The following GPC6 variants were observed in gnomAD, a reference collection of about 807,000 sequenced individuals.
GPC6 encodes glypican 6, also known as glypican-6.
In GPC6, 14 loss-of-function variants were observed where a neutral mutation model predicts 55.2. That is an observed-to-expected ratio of 0.25 (90% CI 0.17 to 0.40). GPC6 has a LOEUF of 0.40. Among genes scored for constraint, GPC6 ranks in the 10% least tolerant of loss-of-function variants. The probability of loss-of-function intolerance (pLI) is 1.00; values close to 1 mark genes in which losing one functional copy is unlikely to be tolerated. For synonymous variants in GPC6, 278 were observed against 259.6 expected (o/e 1.07, Z -0.68); for missense variants, 641 against 708.5 (o/e 0.90, Z 1.08).
chr13:94,157,406 A>G (rs620287), intron 4 of GPC6, among the ~76,000 whole-genome samples: 151,039 of 152,262 alleles, frequency 0.99, 74,923 homozygotes, highest in East Asian at 1. Flanking sequence ...AATCATAGAA[A>G]CCTTCGTGAT....
intron 5 of GPC6, among the ~76,000 whole-genome samples, chr13:94,289,815 G>T (rs1248669273): frequency 6.6e-6 from 1 of 152,176 alleles, no homozygotes; most frequent in Non-Finnish European, 1.5e-5. Context: ...ATCCCTTAGT[G>T]CTCCATCCTC....
Position 93,576,594 on chromosome 13 carries a change from A to G in GPC6, c.319+31173A>G, listed in dbSNP as rs1263410193. Among the ~76,000 whole-genome samples the G allele has an allele frequency of 2.6e-5, 4 of 152,144 alleles. No individual in the cohort carries two copies. The East Asian group carries it at 7.7e-4, about 29-fold the overall frequency. ...CTTGGTTGATTGAAATTTGCCTTTT[A>G]TTATTGATAGTTCAGAAAAATTTCT... On this transcript the variant is annotated intron_variant, in intron 2 of 8. Transcript: ENST00000377047.
At chr13:93,521,868 G>A (rs974074207) in intron 1 of GPC6, among the ~76,000 whole-genome samples, 3 of 151,892 alleles carry the variant, frequency 2.0e-5, no homozygotes, top group African/African-American at 7.2e-5. Flanking sequence ...AATAAGTGCA[G>A]TTTATTTTAT....
chr13:94,216,514 T>A (rs949038550), intron 4 of GPC6, among the ~76,000 whole-genome samples: 8 of 152,236 alleles, frequency 5.3e-5, no homozygotes, highest in African/African-American at 1.4e-4. Flanking sequence ...CCTTTTTAAA[T>A]TAACCAAATT....
chr13:94,020,361 A>G (rs1882650398), intron 3 of GPC6, among the ~76,000 whole-genome samples: 1 of 152,194 alleles, frequency 6.6e-6, no homozygotes, highest in African/African-American at 2.4e-5. Flanking sequence ...GTACGATTGC[A>G]ATCTTTTCAA....
At chr13:93,600,886 G>A (rs1877981599) in intron 2 of GPC6, among the ~76,000 whole-genome samples, 2 of 142,768 alleles carry the variant, frequency 1.4e-5, no homozygotes, top group African/African-American at 5.2e-5. Flanking sequence ...GGAGGCAGAG[G>A]TTGCAGTGAG....
In GPC6 at chr13:94,239,126, G is replaced by A. The variant is rs78849058; in HGVS notation, c.878-47223G>A. ...GTAAGTGGTGGAAGATCTGGGAACA[G>A]ATTTCAGAATAATTTCATGCCTAGA... On this transcript the variant is annotated intron_variant, in intron 4 of 8. Coordinates refer to ENST00000377047, the MANE Select transcript of GPC6 (RefSeq NM_005708.5). 4.7e-3 allele frequency among the ~76,000 whole-genome samples: 721 copies of A among 152,226 alleles called. 8 individuals are homozygous for A. The highest frequency in any genetic ancestry group is 0.016 in the African/African-American group (649 of 41,548).
chr13:93,334,992 A>G (rs1224058981), intron 1 of GPC6, among the ~76,000 whole-genome samples: 1 of 152,222 alleles, frequency 6.6e-6, no homozygotes. Flanking sequence ...ATAATTGCCA[A>G]CAATAAATGA....
chr13:94,278,716 C>G (rs888917301), intron 4 of GPC6, among the ~76,000 whole-genome samples: 1 of 152,082 alleles, frequency 6.6e-6, no homozygotes, highest in Non-Finnish European at 1.5e-5. Context: ...GCCTTTGGTT[C>G]TATTTATGTG....
At chr13:94,310,722 C>G (rs2139117428) in intron 6 of GPC6, among the ~76,000 whole-genome samples, 1 of 152,084 alleles carries the variant, frequency 6.6e-6, no homozygotes, top group Admixed American at 6.5e-5. Context: ...CATTTCCTCT[C>G]TGCTTGTGAT....
At chr13:94,279,199 T>C (rs1892299351) in intron 4 of GPC6, among the ~76,000 whole-genome samples, 1 of 152,160 alleles carries the variant, frequency 6.6e-6, no homozygotes, top group African/African-American at 2.4e-5. Context: ...ATCCATTTCT[T>C]TTATATTTTC....
chr13:94,008,765 A>T (rs1324925901), intron 3 of GPC6, among the ~76,000 whole-genome samples: 1 of 152,210 alleles, frequency 6.6e-6, no homozygotes, highest in Non-Finnish European at 1.5e-5. Flanking sequence ...TGAACTAAAG[A>T]TCTAAATTTC....
rs1051184509 is a variant in GPC6 at position 93,395,334 on chromosome 13, C to T, written c.161-149929C>T. 5 of 470,824 alleles carry T rather than the reference C, an allele frequency of 1.1e-5. No homozygotes were observed. The Admixed American group carries it at 1.2e-4, about 11-fold the overall frequency. The allele number at this position is 470,824 out of a possible 1,614,324, so 29.2% of individuals were successfully genotyped here. On this transcript the variant is annotated intron_variant, in intron 1 of 8. Transcript: ENST00000377047. ...ATCTCTTGCTTTGACAGGGTTTTCC[C>T]AACTTCACAGTTGTGTCCATTCACA...
At chr13:93,508,159 A>G (rs959019782) in intron 1 of GPC6, among the ~76,000 whole-genome samples, 2 of 152,196 alleles carry the variant, frequency 1.3e-5, no homozygotes, top group Non-Finnish European at 2.9e-5. Flanking sequence ...GAGTGATGAG[A>G]GGTTTATTTT....
At chr13:93,557,671 A>T (rs1012057875) in intron 2 of GPC6, among the ~76,000 whole-genome samples, 1 of 152,186 alleles carries the variant, frequency 6.6e-6, no homozygotes, top group Non-Finnish European at 1.5e-5. Flanking sequence ...GTCCCCCTAC[A>T]AATAGCAGAT....
chr13:94,140,133 C>A (rs1451400080), intron 4 of GPC6, among the ~76,000 whole-genome samples: 1 of 151,398 alleles, frequency 6.6e-6, no homozygotes, highest in Non-Finnish European at 1.5e-5. Context: ...TAGTATATTA[C>A]TTCAAGGAAT....
chr13:93,992,442 G>A (rs1317188409), intron 3 of GPC6, among the ~76,000 whole-genome samples: 2 of 152,064 alleles, frequency 1.3e-5, no homozygotes, highest in Admixed American at 6.6e-5. Flanking sequence ...TATTATAGAG[G>A]CAGGGCTTTT....
At position 94,354,857 on chromosome 13, in the gene GPC6, G is replaced by C. The variant is rs541035131; in HGVS notation, c.1153-27557G>C. 1.8e-3 allele frequency among the ~76,000 whole-genome samples: 276 copies of C among 152,310 alleles called. 1 individual carries two copies. Among genetic ancestry groups the C allele is most frequent in the Non-Finnish European group, 3.3e-3 (225 of 68,018 alleles). On this transcript the variant is annotated intron_variant, in intron 6 of 8. Transcript: ENST00000377047. ...CAGCCCATGCTGTGATGATGATGGT[G>C]GTGGGGATGACGGTGATGATGATCA...
In GPC6 at chr13:93,662,606, G is replaced by A. The variant is rs187990247; in HGVS notation, c.319+117185G>A. Among the ~76,000 whole-genome samples the A allele has an allele frequency of 4.9e-3, 752 of 152,092 alleles. 6 individuals carry two copies. The highest frequency in any genetic ancestry group is 0.017 in the African/African-American group (694 of 41,490). ...GATTGAGCCATTGCACTCAAGCCTGGGGTACAAGAGCGAGACGTCTTTCAA... is the reference window on the plus strand; with the variant it reads ...GATTGAGCCATTGCACTCAAGCCTGAGGTACAAGAGCGAGACGTCTTTCAA... On this transcript the variant is annotated intron_variant, in intron 2 of 8. Coordinates refer to ENST00000377047, the MANE Select transcript of GPC6 (RefSeq NM_005708.5).
Sources: gnomAD v4.1 joint callset for allele counts (sites outside exome capture counted in the v4.1 genomes callset) on GRCh38, gnomAD v4.1.1 for gene constraint, MANE v1.5 for transcripts, NCBI Gene and HGNC (gene_info 2026-07-23, HGNC 2026-07-21) for gene names.